WDR47: variants seen among roughly 807,000 people sequenced by gnomAD.
The protein encoded by WDR47 is WD repeat domain 47.
Under a neutral mutation model 97.2 loss-of-function variants are expected in WDR47, and 32 were observed. That is an observed-to-expected ratio of 0.33 (90% CI 0.25 to 0.44). WDR47 has a LOEUF of 0.44. WDR47 is among the 20% of genes least tolerant of loss of function. WDR47 has a pLI of 1.00. For missense variants in WDR47, 782 were observed against 1,102.3 expected (o/e 0.71, Z 4.11); for synonymous variants, 375 against 373.5 (o/e 1.00, Z -0.05).
chr1:109,017,424 T>C, intron 3 of WDR47, 94 bp downstream of exon 3: 2 of 1,033,846 alleles, frequency 1.9e-6, no homozygotes, highest in South Asian at 1.4e-5. Flanking sequence ...TCAAGGCCAG[T>C]GGAGAAAGAA....
intron 2 of WDR47, among the ~76,000 whole-genome samples, chr1:109,019,127 G>A (rs1382900485): frequency 6.6e-6 from 1 of 151,428 alleles, no homozygotes; most frequent in South Asian, 2.1e-4. Context: ...AGGCATGGTG[G>A]CTGTCAGCAT....
At chr1:108,977,569 A>G (rs1345134706) in intron 13 of WDR47, among the ~76,000 whole-genome samples, 1 of 152,188 alleles carries the variant, frequency 6.6e-6, no homozygotes, top group Non-Finnish European at 1.5e-5. Flanking sequence ...ACTCTTTTTA[A>G]GGCCAGGCGC....
intron 5 of WDR47, among the ~76,000 whole-genome samples, chr1:109,008,522 C>T (rs1395896889): frequency 6.6e-6 from 1 of 152,070 alleles, no homozygotes; most frequent in African/African-American, 2.4e-5. Flanking sequence ...CTCGGCTTCC[C>T]AAAGTGCTGG....
Position 109,011,612 on chromosome 1 carries a change from C to G in WDR47, c.434G>C (p.Arg145Pro), listed in dbSNP as rs767448652. 3 of 1,614,060 alleles carry G rather than the reference C, an allele frequency of 1.9e-6. No individual in the cohort carries two copies. Among genetic ancestry groups the G allele is most frequent in the Non-Finnish European group, 8.5e-7 (1 of 1,180,038 alleles). The change falls in exon 5 of 15, where the codon CGT (arginine) becomes CCT (proline). Residue 145 changes from arginine (R) to proline (P), a missense_variant. Coordinates refer to ENST00000369962, the MANE Select transcript of WDR47 (RefSeq NM_001142551.2). ...SKLCLLLTLP[R>P]LTNHAEFKDW... ...CTTAAACTCGGCATGATTGGTCAGA[C>G]GAGGCAAAGTCAAAAGCAAACAGAG...
At chr1:109,032,886 C>T (rs899673965) in intron 1 of WDR47, among the ~76,000 whole-genome samples, 2 of 151,418 alleles carry the variant, frequency 1.3e-5, no homozygotes, top group Non-Finnish European at 2.9e-5. Context: ...GACAGAGTGA[C>T]ACTCTGTCCA....
chr1:109,009,328 C>T (rs530294957), intron 5 of WDR47, among the ~76,000 whole-genome samples: 101 of 152,226 alleles, frequency 6.6e-4, no homozygotes, highest in African/African-American at 2.4e-3. Context: ...GTTTCCTAAC[C>T]CTGAAATAAA....
At chr1:108,998,652 T>C (rs1266803176) in intron 7 of WDR47, among the ~76,000 whole-genome samples, 1 of 152,190 alleles carries the variant, frequency 6.6e-6, no homozygotes, top group Non-Finnish European at 1.5e-5. Context: ...TATAAAGTAA[T>C]GATACAGTAC....
chr1:109,012,572 C>CAAAAAAAAAAAAAAA lies in WDR47; in HGVS notation c.328-869_328-855dup, dbSNP rs57237933. ...TGGGTGACAGTGTGAGACTCCATCT[C>CAAAAAAAAAAAAAAA]AAAAAAAAAAAAAAAAAACAGAAAG... is the stretch of plus-strand genomic sequence containing the variant. On this transcript the variant is annotated intron_variant, in intron 4 of 14. Coordinates refer to ENST00000369962, the MANE Select transcript of WDR47 (RefSeq NM_001142551.2). 6.0e-4 allele frequency among the ~76,000 whole-genome samples: 44 copies of CAAAAAAAAAAAAAAA among 73,834 alleles called. 1 individual carries two copies. Among genetic ancestry groups the CAAAAAAAAAAAAAAA allele is most frequent in the African/African-American group, 1.0e-3 (17 of 16,738 alleles). 48.4% of individuals were successfully genotyped at this position (73,834 alleles called of 152,430 possible).
intron 5 of WDR47, among the ~76,000 whole-genome samples, chr1:109,008,969 C>G (rs570454720): frequency 1.3e-5 from 2 of 151,988 alleles, no homozygotes; most frequent in Non-Finnish European, 2.9e-5. Context: ...CCTGTAATCC[C>G]AGCTACTCGG....
At chr1:109,022,185 G>A (rs1281360640) in intron 2 of WDR47, among the ~76,000 whole-genome samples, 1 of 151,978 alleles carries the variant, frequency 6.6e-6, no homozygotes, top group East Asian at 1.9e-4. Flanking sequence ...ATCACACAGA[G>A]AAACCTTGTG....
intron 1 of WDR47, among the ~76,000 whole-genome samples, chr1:109,036,618 C>T (rs1557969316): frequency 2.0e-5 from 3 of 151,180 alleles, no homozygotes; most frequent in Admixed American, 1.3e-4. Context: ...AAGCGGATCA[C>T]GGGGTCAGCA....
intron 5 of WDR47, 58 bp downstream of exon 5, chr1:109,010,858 A>C: frequency 6.6e-7 from 1 of 1,511,370 alleles, no homozygotes; most frequent in Non-Finnish European, 9.0e-7. Context: ...CTGGGATTAC[A>C]GGCATAAGCC....
intron 1 of WDR47, among the ~76,000 whole-genome samples, chr1:109,032,688 G>C (rs552765305): frequency 6.6e-6 from 1 of 152,060 alleles, no homozygotes; most frequent in East Asian, 1.9e-4. Context: ...CTTGAGGTCA[G>C]GAGTTCAAGA....
At chr1:109,005,242 A>G (rs764592735) in intron 5 of WDR47, among the ~76,000 whole-genome samples, 61 of 151,976 alleles carry the variant, frequency 4.0e-4, no homozygotes, top group Middle Eastern at 3.4e-3. Flanking sequence ...TTTCTAAAAA[A>G]TAAAATAAAA....
chr1:108,981,391 A>T (rs1204256630), intron 13 of WDR47, among the ~76,000 whole-genome samples: 1 of 152,128 alleles, frequency 6.6e-6, no homozygotes, highest in Non-Finnish European at 1.5e-5. Context: ...AAGAAATAGG[A>T]ATGGAAAGAA....
At chr1:109,019,025 G>A (rs1661626893) in intron 2 of WDR47, among the ~76,000 whole-genome samples, 1 of 152,074 alleles carries the variant, frequency 6.6e-6, no homozygotes, top group Non-Finnish European at 1.5e-5. Flanking sequence ...CCATGATCAT[G>A]CCACTCCACT....
At chr1:109,032,759 T>C (rs1662688752) in intron 1 of WDR47, among the ~76,000 whole-genome samples, 1 of 150,738 alleles carries the variant, frequency 6.6e-6, no homozygotes, top group Non-Finnish European at 1.5e-5. Flanking sequence ...TAACCAGGCA[T>C]GGTGGCATGT....
At chr1:108,992,898 G>A (rs534679411) in intron 8 of WDR47, 3 of 1,229,596 alleles carry the variant, frequency 2.4e-6, no homozygotes, top group South Asian at 2.6e-5. Context: ...AGAAAATAGA[G>A]GTGAGGAAAT....
chr1:108,974,891 A>G, intron 13 of WDR47, 137 bp from the exon 14 acceptor site: 1 of 736,898 alleles, frequency 1.4e-6, no homozygotes, highest in South Asian at 1.9e-5. Context: ...AAAAAATCCA[A>G]ATTAACAGTT....
Sources: allele counts gnomAD v4.1 joint callset (sites outside exome capture counted in the v4.1 genomes callset), GRCh38; gene constraint gnomAD v4.1.1; transcripts MANE v1.5; gene names NCBI Gene and HGNC (gene_info 2026-07-23, HGNC 2026-07-21).